AKAP12: variants seen among roughly 807,000 people sequenced by gnomAD.
AKAP12 encodes A-kinase anchoring protein 12, also known as A-kinase anchor protein 12.
Under a neutral mutation model 79.9 loss-of-function variants are expected in AKAP12, and 32 were observed. That is an observed-to-expected ratio of 0.40 (90% CI 0.30 to 0.54). The LOEUF is 0.54. Ranked by LOEUF, AKAP12 falls within the 20% of genes least tolerant of loss-of-function variation. The pLI is 0.48. For missense variants in AKAP12, 2,074 were observed against 2,177.0 expected (o/e 0.95, Z 0.94); for synonymous variants, 808 against 857.0 (o/e 0.94, Z 1.00).
intron 3 of AKAP12, among the ~76,000 whole-genome samples, chr6:151,342,256 C>G (rs894917213): frequency 6.6e-6 from 1 of 152,242 alleles, no homozygotes; most frequent in Non-Finnish European, 1.5e-5. Flanking sequence ...GAGTGTGAAG[C>G]CCAGTGATGG....
chr6:151,307,488 C>G (rs1229476676), intron 3 of AKAP12, among the ~76,000 whole-genome samples: 1 of 152,154 alleles, frequency 6.6e-6, no homozygotes, highest in Non-Finnish European at 1.5e-5. Context: ...TAGTGGACAA[C>G]GTGTGATCAC....
intron 2 of AKAP12, among the ~76,000 whole-genome samples, chr6:151,293,768 T>C (rs1263874765): frequency 6.6e-6 from 1 of 152,190 alleles, no homozygotes; most frequent in African/African-American, 2.4e-5. Flanking sequence ...TCCCTGTCCT[T>C]AACACAAGAA....
chr6:151,347,999 G>A lies in AKAP12; in HGVS notation c.320-712G>A, dbSNP rs193152884. Among the ~76,000 whole-genome samples the A allele has an allele frequency of 1.3e-3, 188 of 148,378 alleles. 6 individuals are homozygous for A. In the East Asian group the frequency reaches 0.033, roughly 26 times the overall value. On this transcript the variant is annotated intron_variant, in intron 3 of 4. Transcript: ENST00000402676. ...ATTCTGGCTAACACGGTGAAACCCC[G>A]TCTCTATACTAAAAATACAAAAAAA...
At chr6:151,244,455 C>T (rs747376421) in intron 2 of AKAP12, among the ~76,000 whole-genome samples, 1 of 152,132 alleles carries the variant, frequency 6.6e-6, no homozygotes, top group African/African-American at 2.4e-5. Context: ...ACTCGGGAAG[C>T]GGAGTTTGCA....
At chr6:151,303,391 T>A (rs948043327) in intron 2 of AKAP12, among the ~76,000 whole-genome samples, 3 of 152,188 alleles carry the variant, frequency 2.0e-5, no homozygotes, top group Admixed American at 1.3e-4. Flanking sequence ...GGACTCAGCA[T>A]GGGCATTTTG....
At chr6:151,321,410 A>G (rs1221921356) in intron 3 of AKAP12, among the ~76,000 whole-genome samples, 1 of 152,202 alleles carries the variant, frequency 6.6e-6, no homozygotes, top group Non-Finnish European at 1.5e-5. Context: ...CCTCTTGTAG[A>G]CATTTCAAAT....
intron 2 of AKAP12, among the ~76,000 whole-genome samples, chr6:151,297,019 G>GGTTTTTT (rs762829492): frequency 7.8e-6 from 1 of 127,656 alleles, no homozygotes; most frequent in Non-Finnish European, 1.7e-5. Flanking sequence ...AAATAAAAGG[G>GGTTTTTT]TTTTTTTTTT....
chr6:151,328,895 C>G (rs1777602680), intron 3 of AKAP12, among the ~76,000 whole-genome samples: 1 of 152,074 alleles, frequency 6.6e-6, no homozygotes, highest in Admixed American at 6.6e-5. Context: ...CCCCCTCCCC[C>G]CTGCCACACA....
intron 3 of AKAP12, among the ~76,000 whole-genome samples, chr6:151,346,562 G>A (rs886654234): frequency 1.3e-5 from 2 of 152,184 alleles, no homozygotes; most frequent in Non-Finnish European, 2.9e-5. Flanking sequence ...CCACGTAGAT[G>A]AATTCTTGTC....
At position 151,351,299 on chromosome 6, in the gene AKAP12, G is replaced by T; in HGVS notation, c.2908G>T (p.Glu970Ter). Residue 970 changes from glutamate (E) to a stop codon, truncating the protein, a stop_gained, in exon 4 of 5, where the codon GAA becomes TAA. Coordinates refer to ENST00000402676, the MANE Select transcript of AKAP12 (RefSeq NM_005100.4). LOFTEE classifies it high-confidence loss of function. This position sits in a 1 kb window ranked among gnomAD's most constrained non-coding sequence, Gnocchi z 4.4. ...GGGCGACACGGTCGTTAGTGAGGCGGAATTGACCCCCGAAGCTGTGACAGC... is the reference window on the plus strand; with the variant it reads ...GGGCGACACGGTCGTTAGTGAGGCGTAATTGACCCCCGAAGCTGTGACAGC... The part of the protein sequence containing the change: ...ARGDTVVSEA[E>*]LTPEAVTAAE... 1 of 1,614,200 alleles carries T rather than the reference G, an allele frequency of 6.2e-7. No homozygotes were observed. Among genetic ancestry groups the T allele is most frequent in the Non-Finnish European group, 8.5e-7 (1 of 1,180,040 alleles).
chr6:151,311,514 C>T (rs988721263), intron 3 of AKAP12, among the ~76,000 whole-genome samples: 1 of 152,134 alleles, frequency 6.6e-6, no homozygotes, highest in African/African-American at 2.4e-5. Flanking sequence ...TGATCACACC[C>T]CCCACCCCCG....
intron 3 of AKAP12, among the ~76,000 whole-genome samples, chr6:151,341,269 G>A (rs553774080): frequency 6.6e-6 from 1 of 152,150 alleles, no homozygotes; most frequent in Non-Finnish European, 1.5e-5. Flanking sequence ...GGCCAGGCTG[G>A]TCTCTAACTC....
At chr6:151,339,040 G>A (rs1777884779) in intron 3 of AKAP12, among the ~76,000 whole-genome samples, 1 of 152,172 alleles carries the variant, frequency 6.6e-6, no homozygotes, top group African/African-American at 2.4e-5. Context: ...GGGTGGGTAG[G>A]ATTTATGCAC....
Position 151,353,510 on chromosome 6 carries a change from C to T in AKAP12, c.5119C>T (p.Pro1707Ser), listed in dbSNP as rs1344235143. Reference sequence around the variant, plus strand: ...TGAAAAAGGTGATGATGTTGATGACCCTGAAAACCAGAACTCAGCCCTGGC... The same window carrying T: ...TGAAAAAGGTGATGATGTTGATGACTCTGAAAACCAGAACTCAGCCCTGGC... ...EDEKGDDVDD[P>S]ENQNSALADT... The change falls in exon 4 of 5, where the codon CCT becomes TCT. Residue 1707 changes from proline to serine, a missense_variant. Pro to Ser is a moderately conservative substitution (Grantham distance 74). Transcript: ENST00000402676. The T allele has an allele frequency of 1.2e-6, 2 of 1,613,984 alleles. No homozygotes were observed. Among genetic ancestry groups the T allele is most frequent in the East Asian group, 2.2e-5 (1 of 44,898 alleles).
intron 2 of AKAP12, among the ~76,000 whole-genome samples, chr6:151,265,144 C>A (rs1459800951): frequency 2.0e-5 from 3 of 149,540 alleles, no homozygotes; most frequent in African/African-American, 7.4e-5. Context: ...GAGCGAGACT[C>A]CGTCTCAAAA....
intron 2 of AKAP12, among the ~76,000 whole-genome samples, chr6:151,293,782 T>C (rs369957885): frequency 7.2e-5 from 11 of 152,192 alleles, no homozygotes; most frequent in Admixed American, 1.3e-4. Flanking sequence ...ACAAGAATTC[T>C]TGGAATTGCC....
intron 3 of AKAP12, among the ~76,000 whole-genome samples, chr6:151,339,572 C>A (rs954757488): frequency 2.6e-5 from 4 of 152,084 alleles, no homozygotes; most frequent in African/African-American, 4.8e-5. Flanking sequence ...AATCAATGAA[C>A]CTGCACTGAC....
rs1778193799 is a variant in AKAP12, at chr6:151,349,008, G to C, written c.617G>C (p.Gly206Ala). The change falls in exon 4 of 5, where the codon GGG becomes GCG. Residue 206 changes from glycine (G) to alanine (A), a missense_variant. Physicochemically the swap from Gly to Ala is moderately conservative, Grantham distance 60 (BLOSUM62 0). Around this residue, in one of 3 missense-constraint regions of AKAP12, gnomAD observed 1,428 missense variants for 1,451.0 expected, o/e 0.98. Coordinates refer to ENST00000402676, the MANE Select transcript of AKAP12 (RefSeq NM_005100.4). ...CTACTCACTGTGAAGAAAGATGAAG[G>C]GGAGGGAGCAGCAGGGGCTGGCGAC... is the stretch of plus-strand genomic sequence containing the variant. The part of the protein sequence containing the change: ...VQLLTVKKDE[G>A]EGAAGAGDHK... 1 of 1,614,002 alleles carries C rather than the reference G, an allele frequency of 6.2e-7. No individual in the cohort carries two copies. The highest frequency in any genetic ancestry group is 8.5e-7 in the Non-Finnish European group (1 of 1,180,012).
intron 2 of AKAP12, among the ~76,000 whole-genome samples, chr6:151,242,340 CT>C (rs991549547): frequency 4.2e-5 from 3 of 72,178 alleles, no homozygotes; most frequent in East Asian, 2.9e-4. Flanking sequence ...TCCTTCCATT[CT>C]CTTTTTCCGT....
Sources: gnomAD v4.1 joint callset for allele counts (sites outside exome capture counted in the v4.1 genomes callset) on GRCh38, gnomAD v4.1.1 for gene constraint, gnomAD v4.1.1 regional missense constraint, Gnocchi (gnomAD v3.1) non-coding constraint, MANE v1.5 for transcripts, NCBI Gene and HGNC (gene_info 2026-07-23, HGNC 2026-07-21) for gene names.